NPAS3: variants seen among roughly 807,000 people sequenced by gnomAD.
The protein encoded by NPAS3 is neuronal PAS domain-containing protein 3.
NPAS3 carries 14 observed loss-of-function variants against 73.1 expected under a neutral mutation model. That is an observed-to-expected ratio of 0.19 (90% CI 0.13 to 0.30). The LOEUF is 0.30. NPAS3 is among the 10% of genes least tolerant of loss of function. The pLI is 1.00. For missense variants in NPAS3, 1,096 were observed against 1,250.0 expected (o/e 0.88, Z 1.86); for synonymous variants, 620 against 541.5 (o/e 1.14, Z -2.01).
intron 2 of NPAS3, among the ~76,000 whole-genome samples, chr14:33,088,209 C>A (rs1047549880): frequency 2.0e-5 from 3 of 152,170 alleles, no homozygotes; most frequent in Admixed American, 6.5e-5. Flanking sequence ...TGGGTGCAGC[C>A]CACTCAGCGT....
intron 5 of NPAS3, among the ~76,000 whole-genome samples, chr14:33,566,632 T>G (rs529488891): frequency 6.6e-6 from 1 of 152,200 alleles, no homozygotes; most frequent in African/African-American, 2.4e-5. Flanking sequence ...TCAGAAAGAG[T>G]AGAAAAAATC....
At chr14:33,531,134 C>T (rs1375117826) in intron 4 of NPAS3, among the ~76,000 whole-genome samples, 3 of 151,892 alleles carry the variant, frequency 2.0e-5, no homozygotes, top group Non-Finnish European at 4.4e-5. Context: ...CCCCTTGGAC[C>T]ATTATATAGG....
intron 1 of NPAS3, among the ~76,000 whole-genome samples, chr14:33,007,684 A>G (rs1404602074): frequency 2.0e-5 from 3 of 152,258 alleles, no homozygotes; most frequent in Admixed American, 2.0e-4. Context: ...TATAAACAAA[A>G]GAAAAATTTC....
chr14:33,647,261 ATCT>A (rs1207709987), intron 5 of NPAS3, among the ~76,000 whole-genome samples: 1 of 150,700 alleles, frequency 6.6e-6, no homozygotes, highest in Non-Finnish European at 1.5e-5. Flanking sequence ...AGTTTATTAC[ATCT>A]TCTTACTCTC....
intron 4 of NPAS3, among the ~76,000 whole-genome samples, chr14:33,498,933 AGAGT>A (rs1239259674): frequency 6.4e-4 from 49 of 76,988 alleles, no homozygotes; most frequent in African/African-American, 1.9e-3. Context: ...AGACAGAGAG[AGAGT>A]GTGTGTGTGT....
intron 2 of NPAS3, among the ~76,000 whole-genome samples, chr14:33,067,768 C>T (rs2041330218): frequency 6.6e-6 from 1 of 152,212 alleles, no homozygotes; most frequent in South Asian, 2.1e-4. Context: ...TTAGGGCCTT[C>T]TCCAGGACAG....
At chr14:32,958,895 T>A (rs2036790190) in intron 1 of NPAS3, among the ~76,000 whole-genome samples, 1 of 152,222 alleles carries the variant, frequency 6.6e-6, no homozygotes, top group Non-Finnish European at 1.5e-5. Flanking sequence ...AGTATTATTT[T>A]GCTCTGCCAA....
intron 1 of NPAS3, among the ~76,000 whole-genome samples, chr14:32,954,532 C>A (rs1247391312): frequency 1.3e-5 from 2 of 152,068 alleles, no homozygotes; most frequent in Non-Finnish European, 2.9e-5. Flanking sequence ...ATGTTAGCTA[C>A]CTTCTGACTC....
chr14:33,799,427 G>T lies in NPAS3; in HGVS notation c.1427-307G>T, dbSNP rs569391985. 3.3e-5 allele frequency among the ~76,000 whole-genome samples: 5 copies of T among 152,266 alleles called. No individual in the cohort carries two copies. The South Asian group carries it at 1.0e-3, about 32-fold the overall frequency. On this transcript the variant is annotated intron_variant, in intron 11 of 11. Coordinates refer to ENST00000356141, the Ensembl canonical transcript of NPAS3. ...AATCACCTGGGGGTCATATTCCAAC[G>T]CAGAATCTGATTCAGTCTACCTGGG...
intron 5 of NPAS3, among the ~76,000 whole-genome samples, chr14:33,653,884 G>A (rs952481796): frequency 2.0e-5 from 3 of 152,182 alleles, no homozygotes; most frequent in African/African-American, 7.2e-5. Flanking sequence ...CCGTTATTGT[G>A]TAGAAATAGA....
chr14:33,438,864 T>G (rs184456134), intron 4 of NPAS3, among the ~76,000 whole-genome samples: 273 of 152,312 alleles, frequency 1.8e-3, no homozygotes, highest in Non-Finnish European at 3.1e-3. Context: ...AATAAATGCT[T>G]CTATTTTTGC....
intron 6 of NPAS3, among the ~76,000 whole-genome samples, chr14:33,686,470 G>A (rs1406097309): frequency 6.6e-6 from 1 of 152,190 alleles, no homozygotes; most frequent in African/African-American, 2.4e-5. Flanking sequence ...TATTTTATGA[G>A]TACCCAAGAA....
At chr14:33,669,587 C>A (rs1376518569) in intron 5 of NPAS3, among the ~76,000 whole-genome samples, 1 of 152,114 alleles carries the variant, frequency 6.6e-6, no homozygotes, top group African/African-American at 2.4e-5. Context: ...TGAAATGCAG[C>A]GTATAATTTA....
At chr14:33,459,657 A>G (rs530203519) in intron 4 of NPAS3, among the ~76,000 whole-genome samples, 1 of 152,302 alleles carries the variant, frequency 6.6e-6, no homozygotes, top group Non-Finnish European at 1.5e-5. Context: ...GGTAAAAATG[A>G]TATACAAAAG....
chr14:33,647,890 T>C (rs2140216964), intron 5 of NPAS3, among the ~76,000 whole-genome samples: 1 of 152,310 alleles, frequency 6.6e-6, no homozygotes, highest in South Asian at 2.1e-4. Flanking sequence ...GTCACTCAAA[T>C]GGCAGGCCCA....
At chr14:32,938,372 A>G (rs1408179557), upstream of NPAS3, among the ~76,000 whole-genome samples, 1 of 151,830 alleles carries the variant, frequency 6.6e-6, no homozygotes, top group South Asian at 2.1e-4. Flanking sequence ...CCTGGCTGCA[A>G]TACTCCAGAG....
At position 33,793,851 on chromosome 14, in the gene NPAS3, G is replaced by C. The variant is rs375034190; in HGVS notation, c.1154-46G>C. The C allele has an allele frequency of 1.4e-5, 21 of 1,488,940 alleles. No homozygotes were observed. The African/African-American group carries it at 2.8e-4, about 20-fold the overall frequency. The allele number at this position is 1,488,940 out of a possible 1,614,324, so 92.2% of individuals were successfully genotyped here. On this transcript the variant is annotated intron_variant, in intron 9 of 11. Transcript: ENST00000356141. Reference sequence around the variant, plus strand: ...GATAAAAAAAAAAAAAAAGTTATTTGATCCCAGTCTTAATACAATGCCTCT... The same window carrying C: ...GATAAAAAAAAAAAAAAAGTTATTTCATCCCAGTCTTAATACAATGCCTCT...
At chr14:33,446,653 TTTTCTTTTCTTTC>T (rs1466190231) in intron 4 of NPAS3, among the ~76,000 whole-genome samples, 1 of 152,198 alleles carries the variant, frequency 6.6e-6, no homozygotes, top group Non-Finnish European at 1.5e-5. Flanking sequence ...TCCTTGGTCT[TTTTCTTTTCTTTC>T]TTTCTTTTTA....
rs2037507610 is a variant in NPAS3, at chr14:32,973,155, G to T, written c.50+33789G>T. Among the ~76,000 whole-genome samples, 2 of 152,128 alleles carry T rather than the reference G, an allele frequency of 1.3e-5. 1 individual carries two copies. The highest frequency in any genetic ancestry group is 4.1e-4 in the South Asian group (2 of 4,822). ...TTTGAATAAAGGCACTTTCAGCTTA[G>T]TATCTAAGAAAGAGAAGACTCTACA... On this transcript the variant is annotated intron_variant, in intron 1 of 11. Transcript: ENST00000356141.
Sources: gnomAD v4.1 joint callset for allele counts (sites outside exome capture counted in the v4.1 genomes callset) on GRCh38, gnomAD v4.1.1 for gene constraint, MANE v1.5 for transcripts, NCBI Gene and HGNC (gene_info 2026-07-23, HGNC 2026-07-21) for gene names.